Variants in JAK2 observed in about 807,000 individuals in gnomAD.
The protein encoded by JAK2 is tyrosine-protein kinase JAK2.
In JAK2, 86 loss-of-function variants were observed where a neutral mutation model predicts 139.3. That is an observed-to-expected ratio of 0.62 (90% CI 0.52 to 0.74). The LOEUF is 0.74. JAK2 is among the 30% of genes least tolerant of loss of function. JAK2 has a pLI of 0.00. For synonymous variants in JAK2, 490 were observed against 437.7 expected (o/e 1.12, Z -1.49); for missense variants, 1,421 against 1,360.3 (o/e 1.04, Z -0.70).
At chr9:5,061,781 G>A (rs1225221516) in intron 8 of JAK2, among the ~76,000 whole-genome samples, 1 of 152,212 alleles carries the variant, frequency 6.6e-6, no homozygotes, top group African/African-American at 2.4e-5. Context: ...AAGAGGCCTA[G>A]CTTTCAGCGT....
chr9:5,079,050 G>T (rs576879260), intron 16 of JAK2, among the ~76,000 whole-genome samples: 41 of 152,190 alleles, frequency 2.7e-4, no homozygotes, highest in African/African-American at 9.4e-4. Context: ...ATTCTAAATT[G>T]ATCAATTTTT....
intron 4 of JAK2, among the ~76,000 whole-genome samples, chr9:5,040,018 A>G (rs1816364760): frequency 6.6e-6 from 1 of 152,234 alleles, no homozygotes; most frequent in African/African-American, 2.4e-5. Context: ...ATCTTGAAAC[A>G]ATACAAAGTT....
At chr9:4,995,123 A>G (rs1358938329) in intron 2 of JAK2, among the ~76,000 whole-genome samples, 2 of 152,192 alleles carry the variant, frequency 1.3e-5, no homozygotes, top group Non-Finnish European at 2.9e-5. Context: ...CCAACTTGAG[A>G]CGTGAAAAAT....
At chr9:5,116,021 A>G (rs1001209468) in intron 22 of JAK2, among the ~76,000 whole-genome samples, 1 of 152,086 alleles carries the variant, frequency 6.6e-6, no homozygotes, top group African/African-American at 2.4e-5. Context: ...ACAAACCTGC[A>G]CCTTCTGCAC....
chr9:5,091,957 A>G (rs1820611886), intron 22 of JAK2, among the ~76,000 whole-genome samples: 1 of 152,090 alleles, frequency 6.6e-6, no homozygotes, highest in Admixed American at 6.5e-5. Flanking sequence ...AAGTAGGGAT[A>G]ATACTGTTAG....
intron 10 of JAK2, 110 bp from the exon 11 acceptor site, chr9:5,068,912 G>T: frequency 3.1e-6 from 2 of 643,030 alleles, no homozygotes; most frequent in South Asian, 5.4e-5. Context: ...CGGATTCATG[G>T]TTCAAATGTT....
intron 10 of JAK2, 133 bp from the exon 11 acceptor site, chr9:5,068,889 A>G (rs1818751969): frequency 1.8e-6 from 1 of 554,260 alleles, no homozygotes; most frequent in East Asian, 3.0e-5. Flanking sequence ...CTATCACTAT[A>G]CTGGCACTAC....
rs573130224 is a variant in JAK2, at chr9:5,097,468, G to T, written c.3059+6557G>T. 1.2e-4 allele frequency: 18 copies of T among 152,202 alleles called. 1 individual carries two copies. The highest frequency in any genetic ancestry group is 4.1e-4 in the African/African-American group (17 of 41,514). The allele number at this position is 152,202 out of a possible 1,614,324, so 9.4% of individuals were successfully genotyped here. On this transcript the variant is annotated intron_variant, in intron 22 of 24. Transcript: ENST00000381652. ...AAAAAAGGAGCCATTTGGGTATATG[G>T]GCATAGTATGAGCCATAATATCTAT... is the stretch of plus-strand genomic sequence containing the variant.
At chr9:5,113,042 C>G (rs1201919231) in intron 22 of JAK2, among the ~76,000 whole-genome samples, 2 of 152,056 alleles carry the variant, frequency 1.3e-5, no homozygotes, top group South Asian at 4.1e-4. Context: ...AGGAAGGTGA[C>G]GCTGGGTCCA....
chr9:5,090,372 G>A (rs576407914), intron 20 of JAK2, 74 bp from the exon 21 acceptor site: 1 of 1,091,642 alleles, frequency 9.2e-7, no homozygotes, highest in Non-Finnish European at 1.2e-6. Context: ...AGTCATTTAT[G>A]TATGATAGTT....
At chr9:5,032,760 A>G (rs577763714) in intron 4 of JAK2, among the ~76,000 whole-genome samples, 63 of 152,330 alleles carry the variant, frequency 4.1e-4, no homozygotes, top group African/African-American at 1.5e-3. Flanking sequence ...CACCATCATC[A>G]AAGACAAAAG....
At chr9:5,109,052 ACT>A (rs1319521351) in intron 22 of JAK2, 1 of 151,836 alleles carries the variant, frequency 6.6e-6, no homozygotes, top group Non-Finnish European at 1.5e-5. Flanking sequence ...TAGTAAGGGA[ACT>A]CTCTGTGATC....
Position 5,080,224 on chromosome 9 carries a change from A to G in JAK2, c.2132-5A>G, listed in dbSNP as rs760759816. The G allele has an allele frequency of 1.2e-6, 2 of 1,605,394 alleles. No individual in the cohort carries two copies. The highest frequency in any genetic ancestry group is 1.7e-6 in the Non-Finnish European group (2 of 1,174,554). On this transcript the variant is annotated splice_polypyrimidine_tract_variant and splice_region_variant and intron_variant, in intron 16 of 24. Transcript: ENST00000381652. ...TAACCCTACTCTGTTCGTATCATTT[A>G]AAAGTTCTTCAGGAGAGAATACCAT...
chr9:5,053,271 T>G (rs959246690), intron 6 of JAK2, among the ~76,000 whole-genome samples: 2 of 152,122 alleles, frequency 1.3e-5, no homozygotes, highest in African/African-American at 4.8e-5. Flanking sequence ...TTTGTATGCC[T>G]TCTGTAGAGA....
At chr9:5,112,686 T>C in intron 22 of JAK2, 2 of 922,492 alleles carry the variant, frequency 2.2e-6, no homozygotes, top group Non-Finnish European at 3.1e-6. Flanking sequence ...TCGGTCATCC[T>C]GAATTTGGAG....
At chr9:5,112,696 G>A (rs1354147038) in intron 22 of JAK2, 3 of 897,104 alleles carry the variant, frequency 3.3e-6, no homozygotes, top group East Asian at 3.0e-5. Flanking sequence ...TGAATTTGGA[G>A]CAGCAAGTGC....
At position 5,069,974 on chromosome 9, in the gene JAK2, A is replaced by C; in HGVS notation, c.1563A>C (p.Pro521=). Residue 521 remains proline, a synonymous_variant, in exon 12 of 25, where the codon CCA becomes CCC. Coordinates refer to ENST00000381652, the MANE Select transcript of JAK2 (RefSeq NM_004972.4). ...VFRTNGVSDV[P]TSPTLQRPTH... The stretch of plus-strand genomic sequence containing the variant: ...GAACGAATGGTGTTTCTGATGTACC[A>C]ACCTCACCAACATTACAGAGGCCTA... The C allele has an allele frequency of 1.9e-6, 3 of 1,607,650 alleles. No homozygotes were observed.
At chr9:5,084,684 T>A (rs1406720284) in intron 19 of JAK2, among the ~76,000 whole-genome samples, 2 of 152,218 alleles carry the variant, frequency 1.3e-5, no homozygotes, top group East Asian at 1.9e-4. Flanking sequence ...TATTCTTTTT[T>A]AAATTAATTT....
chr9:5,084,529 A>G (rs1819934155), intron 19 of JAK2, among the ~76,000 whole-genome samples: 1 of 152,154 alleles, frequency 6.6e-6, no homozygotes. Flanking sequence ...AAGAGAAATA[A>G]TGGTATATTT....
Sources: gnomAD v4.1 joint callset for allele counts (sites outside exome capture counted in the v4.1 genomes callset) on GRCh38, gnomAD v4.1.1 for gene constraint, MANE v1.5 for transcripts, NCBI Gene and HGNC (gene_info 2026-07-23, HGNC 2026-07-21) for gene names.